MAST4: variants seen among roughly 807,000 people sequenced by gnomAD.
MAST4 encodes the protein microtubule-associated serine/threonine-protein kinase 4.
A neutral mutation model predicts 162.7 loss-of-function variants in MAST4; 89 were observed. That is an observed-to-expected ratio of 0.55 (90% CI 0.46 to 0.65). The LOEUF (loss-of-function observed/expected upper bound fraction) is 0.65, where lower values mean the gene tolerates loss of function less well. MAST4 is among the 30% of genes least tolerant of loss of function. MAST4 has a pLI of 0.00. For synonymous variants in MAST4, 1,479 were observed against 1,361.1 expected (o/e 1.09, Z -1.91); for missense variants, 3,153 against 3,374.0 (o/e 0.93, Z 1.62).
chr5:67,155,761 A>C (rs1365422299), intron 26 of MAST4, among the ~76,000 whole-genome samples: 1 of 152,124 alleles, frequency 6.6e-6, no homozygotes, highest in Non-Finnish European at 1.5e-5. Context: ...GCAAGGGCCA[A>C]ACAAAAATGA....
chr5:66,777,427 T>C (rs1462797156), intron 2 of MAST4, among the ~76,000 whole-genome samples: 2 of 152,238 alleles, frequency 1.3e-5, no homozygotes, highest in African/African-American at 4.8e-5. Context: ...TCATCGCCAT[T>C]GTACAGCATG....
intron 7 of MAST4, among the ~76,000 whole-genome samples, chr5:67,097,606 G>A (rs1355567538): frequency 3.3e-5 from 5 of 151,990 alleles, no homozygotes; most frequent in Admixed American, 6.6e-5. Flanking sequence ...ATGTGCCTAC[G>A]GAAGACACCC....
chr5:66,747,630 A>G (rs1752851375), intron 1 of MAST4, among the ~76,000 whole-genome samples: 1 of 152,228 alleles, frequency 6.6e-6, no homozygotes, highest in Non-Finnish European at 1.5e-5. Flanking sequence ...CCTGTTCTCA[A>G]AAGCTTTTAG....
At chr5:67,062,087 C>T (rs986546891) in intron 5 of MAST4, among the ~76,000 whole-genome samples, 3 of 152,062 alleles carry the variant, frequency 2.0e-5, no homozygotes, top group Non-Finnish European at 4.4e-5. Context: ...CTTTAGGTGC[C>T]AGTGAAAGAA....
intron 1 of MAST4, among the ~76,000 whole-genome samples, chr5:66,645,436 A>G (rs1285757627): frequency 3.9e-5 from 6 of 152,212 alleles, no homozygotes; most frequent in Admixed American, 3.9e-4. Flanking sequence ...GACGATGCCT[A>G]GGCCAATGTT....
At chr5:66,716,900 A>G (rs972450035) in intron 1 of MAST4, among the ~76,000 whole-genome samples, 4 of 152,138 alleles carry the variant, frequency 2.6e-5, no homozygotes, top group Admixed American at 6.5e-5. Context: ...TGAATTCCCA[A>G]TAAGCCAAGC....
intron 13 of MAST4, among the ~76,000 whole-genome samples, chr5:67,119,866 T>C (rs1253750538): frequency 1.3e-5 from 2 of 151,598 alleles, no homozygotes; most frequent in African/African-American, 4.8e-5. Flanking sequence ...TTAGAGAGCC[T>C]TGGACAGAGC....
chr5:66,654,362 A>T lies in MAST4; in HGVS notation c.363+57344A>T, dbSNP rs187080737. Among the ~76,000 whole-genome samples, 3 of 152,272 alleles carry T rather than the reference A, an allele frequency of 2.0e-5. No individual in the cohort carries two copies. In the East Asian group the frequency reaches 5.8e-4, roughly 29 times the overall value. ...ACCAAAAGTGGTTTGGTTCTAAAGG[A>T]CTGTGGTTGCTGTGGAGTAAGTAGA... On this transcript the variant is annotated intron_variant, in intron 1 of 28. Coordinates refer to ENST00000403625, the MANE Select transcript of MAST4 (RefSeq NM_001164664.2).
At chr5:67,024,384 C>T (rs907344225) in intron 4 of MAST4, among the ~76,000 whole-genome samples, 18 of 145,868 alleles carry the variant, frequency 1.2e-4, no homozygotes, top group Admixed American at 2.0e-4. Context: ...TGTACACACA[C>T]GATATATATC....
chr5:66,992,037 T>C (rs1218149276), intron 4 of MAST4, among the ~76,000 whole-genome samples: 1 of 152,232 alleles, frequency 6.6e-6, no homozygotes, highest in Non-Finnish European at 1.5e-5. Flanking sequence ...ATAATGTGAT[T>C]TAATATATAT....
chr5:66,778,245 G>A (rs2149653332), intron 2 of MAST4, among the ~76,000 whole-genome samples: 1 of 152,236 alleles, frequency 6.6e-6, no homozygotes, highest in Middle Eastern at 3.4e-3. Context: ...TCTGCAACTG[G>A]AGTTTGGGGC....
rs143118367 is a variant in MAST4, at chr5:66,725,784, A to G, written c.364-33925A>G. ...TTCACTTTTTAAAATGCAAATATTT[A>G]TTGTGTACCAACTCTGCAGGAGGCA... On this transcript the variant is annotated intron_variant, in intron 1 of 28. Transcript: ENST00000403625. Among the ~76,000 whole-genome samples, 146 of 152,300 alleles carry G rather than the reference A, an allele frequency of 9.6e-4. No individual in the cohort carries two copies. The Middle Eastern group carries it at 0.01, about 11-fold the overall frequency.
At chr5:67,136,499 A>T (rs1769660745) in intron 18 of MAST4, 64 bp from the exon 19 acceptor site, 1 of 1,217,262 alleles carries the variant, frequency 8.2e-7, no homozygotes, top group Admixed American at 2.0e-5. Context: ...GGTGATGTCC[A>T]TGTTGCTGGG....
At chr5:66,783,837 A>G (rs1283603866) in intron 2 of MAST4, among the ~76,000 whole-genome samples, 5 of 152,094 alleles carry the variant, frequency 3.3e-5, no homozygotes, top group Non-Finnish European at 7.4e-5. Flanking sequence ...GTGGGGAGAG[A>G]AAGGGCATGG....
chr5:67,024,335 A>G (rs930348307), intron 4 of MAST4, among the ~76,000 whole-genome samples: 24 of 114,582 alleles, frequency 2.1e-4, no homozygotes, highest in Admixed American at 5.8e-4. Flanking sequence ...CTATATATAT[A>G]TACACACACA....
chr5:66,883,798 C>T (rs1761865094), intron 3 of MAST4, among the ~76,000 whole-genome samples: 1 of 152,118 alleles, frequency 6.6e-6, no homozygotes, highest in Non-Finnish European at 1.5e-5. Flanking sequence ...GCAGGCCTAC[C>T]TATGGTATGG....
At chr5:66,786,272 GTT>G (rs540263638) in intron 2 of MAST4, among the ~76,000 whole-genome samples, 2 of 144,338 alleles carry the variant, frequency 1.4e-5, no homozygotes, top group Admixed American at 6.9e-5. Flanking sequence ...ATTCTCCCAA[GTT>G]TTTTTTTTTT....
At chr5:66,837,052 G>GTGTGTGTA (rs1310826490) in intron 3 of MAST4, among the ~76,000 whole-genome samples, 1 of 152,032 alleles carries the variant, frequency 6.6e-6, no homozygotes, top group South Asian at 2.1e-4. Context: ...GTGTGTGTGT[G>GTGTGTGTA]TATGTATACT....
At chr5:66,977,258 G>A (rs868505951) in intron 4 of MAST4, among the ~76,000 whole-genome samples, 2 of 152,016 alleles carry the variant, frequency 1.3e-5, no homozygotes, top group African/African-American at 2.4e-5. Context: ...GCGCCACCAC[G>A]CCTGGCTAAT....
Sources: allele counts gnomAD v4.1 joint callset (sites outside exome capture counted in the v4.1 genomes callset), GRCh38; gene constraint gnomAD v4.1.1; transcripts MANE v1.5; gene names NCBI Gene and HGNC (gene_info 2026-07-23, HGNC 2026-07-21).